Variants in VPS13B observed in about 807,000 individuals in gnomAD.
VPS13B encodes the protein intermembrane lipid transfer protein VPS13B.
In VPS13B, 285 loss-of-function variants were observed where a neutral mutation model predicts 426.4. The observed-to-expected ratio is 0.67, with a 90% CI of 0.61 to 0.74. The LOEUF (loss-of-function observed/expected upper bound fraction) is 0.74. Among genes scored for constraint, VPS13B ranks in the 30% least tolerant of loss-of-function variants. The pLI is 0.00. For missense variants in VPS13B, 4,537 were observed against 4,782.6 expected (o/e 0.95, Z 1.51); for synonymous variants, 1,676 against 1,676.4 (o/e 1.00, Z 0.01).
chr8:99,137,250 C>CT (rs79136090), intron 12 of VPS13B, among the ~76,000 whole-genome samples: 14 of 148,522 alleles, frequency 9.4e-5, no homozygotes, highest in South Asian at 6.4e-4. Context: ...CATTTCAACA[C>CT]TTTTTTTTTT....
At chr8:99,030,135 C>CTTTTTT (rs58542671) in intron 2 of VPS13B, among the ~76,000 whole-genome samples, 391 of 75,496 alleles carry the variant, frequency 5.2e-3, no homozygotes, top group Non-Finnish European at 6.1e-3. Flanking sequence ...AAAATACATG[C>CTTTTTT]TTTTTTTTTT....
At chr8:99,561,524 G>T (rs931087423) in intron 31 of VPS13B, among the ~76,000 whole-genome samples, 2 of 152,092 alleles carry the variant, frequency 1.3e-5, no homozygotes, top group Non-Finnish European at 1.5e-5. Context: ...ACTGTACTTT[G>T]CATACCTGTA....
At chr8:99,067,465 G>A (rs970316448) in intron 3 of VPS13B, among the ~76,000 whole-genome samples, 1 of 152,102 alleles carries the variant, frequency 6.6e-6, no homozygotes, top group African/African-American at 2.4e-5. Flanking sequence ...GACACAGGGC[G>A]GGGAACATCA....
At chr8:99,592,700 T>C (rs1008049099) in intron 33 of VPS13B, among the ~76,000 whole-genome samples, 19 of 152,020 alleles carry the variant, frequency 1.2e-4, no homozygotes, top group Non-Finnish European at 2.4e-4. Context: ...AGCATGGTAC[T>C]GATACAAAAA....
intron 54 of VPS13B, among the ~76,000 whole-genome samples, chr8:99,843,332 G>A (rs558702716): frequency 3.3e-5 from 5 of 152,076 alleles, no homozygotes; most frequent in Admixed American, 2.0e-4. Flanking sequence ...AGGACTGGCC[G>A]GGTTATTCTG....
rs1196451689 is a variant in VPS13B, at chr8:99,575,793, A to G, written c.5076+9A>G. 2 of 1,612,462 alleles carry G rather than the reference A, an allele frequency of 1.2e-6. No individual in the cohort carries two copies. The highest frequency in any genetic ancestry group is 2.2e-5 in the East Asian group (1 of 44,820). ...AAAATTTGCATACTGAGGTTAGAAC[A>G]TAATTTTGATTTTATTTTAGTCTAA... On this transcript the variant is annotated intron_variant, in intron 32 of 61. Transcript: ENST00000357162.
chr8:99,167,111 T>A (rs1355346091), intron 15 of VPS13B, among the ~76,000 whole-genome samples: 8 of 152,158 alleles, frequency 5.3e-5, no homozygotes, highest in Non-Finnish European at 1.2e-4. Flanking sequence ...TTGGACTTCA[T>A]TTTTCCTGCA....
At chr8:99,615,958 G>C (rs1828067381) in intron 33 of VPS13B, among the ~76,000 whole-genome samples, 1 of 151,986 alleles carries the variant, frequency 6.6e-6, no homozygotes, top group African/African-American at 2.4e-5. Flanking sequence ...ATATATGTAG[G>C]TAGGTGTTTT....
chr8:99,773,571 T>C (rs1283328057), intron 40 of VPS13B, among the ~76,000 whole-genome samples: 1 of 152,192 alleles, frequency 6.6e-6, no homozygotes, highest in Non-Finnish European at 1.5e-5. Flanking sequence ...AAAATGAAGG[T>C]ATAAATAAAA....
chr8:99,481,876 A>G (rs1251895713), intron 25 of VPS13B, 74 bp downstream of exon 25: 5 of 1,532,382 alleles, frequency 3.3e-6, no homozygotes, highest in African/African-American at 1.4e-5. Context: ...ATGGTTTAAA[A>G]TGAAGATAAC....
chr8:99,240,741 T>G (rs1052994478), intron 17 of VPS13B: 1 of 152,670 alleles, frequency 6.6e-6, no homozygotes, highest in African/African-American at 2.4e-5. Flanking sequence ...AAAAACTTAG[T>G]AAGTAAGCAT....
chr8:99,130,079 T>A (rs1463025780), intron 8 of VPS13B, among the ~76,000 whole-genome samples: 2 of 152,184 alleles, frequency 1.3e-5, no homozygotes, highest in Non-Finnish European at 2.9e-5. Flanking sequence ...AAAATTTTTA[T>A]AGACTTCTTG....
At chr8:99,558,444 T>A (rs1184553155) in intron 31 of VPS13B, among the ~76,000 whole-genome samples, 2 of 152,188 alleles carry the variant, frequency 1.3e-5, no homozygotes, top group African/African-American at 4.8e-5. Flanking sequence ...AGTTCTAGGG[T>A]ACATGTGCAC....
At chr8:99,340,727 ATGCTAGTAGATGTGG>A (rs1811193402) in intron 19 of VPS13B, 1 of 349,862 alleles carries the variant, frequency 2.9e-6, no homozygotes, top group Admixed American at 3.5e-5. Context: ...AGCCTGGGGC[ATGCTAGTAGATGTGG>A]CCTGCTGCTG....
intron 19 of VPS13B, among the ~76,000 whole-genome samples, chr8:99,321,357 C>T (rs866465782): frequency 1.3e-5 from 2 of 151,848 alleles, no homozygotes; most frequent in East Asian, 1.9e-4. Context: ...TTACTGGTGG[C>T]ACCACCACGC....
intron 23 of VPS13B, among the ~76,000 whole-genome samples, chr8:99,445,129 A>G (rs980270509): frequency 1.3e-5 from 2 of 151,438 alleles, no homozygotes; most frequent in African/African-American, 4.8e-5. Flanking sequence ...ATTTGCAAGT[A>G]TTTTCTCCTG....
At chr8:99,282,507 GT>G (rs1268366118) in intron 19 of VPS13B, among the ~76,000 whole-genome samples, 6 of 152,020 alleles carry the variant, frequency 3.9e-5, no homozygotes, top group Admixed American at 3.9e-4. Flanking sequence ...GTCTACATTA[GT>G]TTATGAACCT....
At chr8:99,025,737 C>T (rs1222872609) in intron 2 of VPS13B, among the ~76,000 whole-genome samples, 6 of 152,030 alleles carry the variant, frequency 3.9e-5, no homozygotes, top group Admixed American at 1.3e-4. Context: ...TCTCATTACT[C>T]GGTATTGGAC....
chr8:99,122,971 A>G (rs928966495), intron 8 of VPS13B, among the ~76,000 whole-genome samples: 3 of 151,932 alleles, frequency 2.0e-5, no homozygotes, highest in African/African-American at 4.8e-5. Flanking sequence ...AAATTACCCA[A>G]TTAGCTGGGC....
Sources: allele counts gnomAD v4.1 joint callset (sites outside exome capture counted in the v4.1 genomes callset), GRCh38; gene constraint gnomAD v4.1.1; transcripts MANE v1.5; gene names NCBI Gene and HGNC (gene_info 2026-07-23, HGNC 2026-07-21).